The following KRTAP5-1 variants were observed in gnomAD, a reference collection of about 807,000 sequenced individuals.
KRTAP5-1 encodes the protein keratin-associated protein 5-1.
In KRTAP5-1, 1 loss-of-function variant was observed where a neutral mutation model predicts 1.1. That is an observed-to-expected ratio of 0.90 (90% CI 0.32 to 4.26). The LOEUF is 4.26. Ranked by LOEUF, KRTAP5-1 falls within the 30% of genes most tolerant of loss-of-function variation. The pLI is 0.17. For synonymous variants in KRTAP5-1, 105 were observed against 141.6 expected (o/e 0.74, Z 1.84); for missense variants, 302 against 349.7 (o/e 0.86, Z 1.09).
In KRTAP5-1 at chr11:1,584,522, C is replaced by T. The variant is rs1302011012; in HGVS notation, c.728G>A (p.Cys243Tyr). 6.2e-7 allele frequency: 1 copy of T among 1,613,912 alleles called. No homozygotes were observed. The highest frequency in any genetic ancestry group is 1.7e-5 in the Admixed American group (1 of 59,992). Residue 243 changes from cysteine (C) to tyrosine (Y), a missense_variant, in exon 1 of 1, where the codon TGC becomes TAC. By Grantham distance (194) the Cys-to-Tyr change is radical. Coordinates refer to ENST00000382171, the MANE Select transcript of KRTAP5-1 (RefSeq NM_001005922.1). ...TGACCCACAGCCTGAGGAACAGCAG[C>T]AGGGCTTACAGCAACTGCACTGGGA... ...SCSQCSCCKP[C>Y]CCSSGCGSSC...
rs1430901199 is a variant in KRTAP5-1, at chr11:1,584,419, C to A, written c.831G>T (p.Lys277Asn). ...AGTCCTGCAAAGCCAGAAATCAGAT[C>A]TTGCACTGGCAGCACACGGGGACAC... ...SCCVPVCCQC[K>N]I Residue 277 changes from lysine (K) to asparagine (N), a missense_variant, in exon 1 of 1, where the codon AAG becomes AAT. Physicochemically the swap from Lys to Asn is moderately conservative, Grantham distance 94. This residue lies in a region of KRTAP5-1 where 137 missense variants were observed against 113.9 expected (regional missense o/e 1.20). Transcript: ENST00000382171. 6.2e-7 allele frequency: 1 copy of A among 1,613,960 alleles called. No individual in the cohort carries two copies. The highest frequency in any genetic ancestry group is 2.2e-5 in the East Asian group (1 of 44,872).
Position 1,584,456 on chromosome 11 carries a change from T to G in KRTAP5-1, c.794A>C (p.Gln265Pro). Residue 265 changes from glutamine to proline, a missense_variant, in exon 1 of 1, where the codon CAG (glutamine) becomes CCG (proline). Physicochemically the swap from Gln to Pro is moderately conservative, Grantham distance 76. Around this residue, in one of 2 missense-constraint regions of KRTAP5-1, gnomAD observed 137 missense variants for 113.9 expected, o/e 1.20. Coordinates refer to ENST00000382171, the MANE Select transcript of KRTAP5-1 (RefSeq NM_001005922.1). ...GCACACGGGGACACAGCAACTGGAC[T>G]GGGAGCAGCAGGGCTTGCAGCAGCT... ...QSSCCKPCCSQSSCCVPVCCQ... is the reference protein window; with the variant it reads ...QSSCCKPCCSPSSCCVPVCCQ... 6.2e-7 allele frequency: 1 copy of G among 1,613,822 alleles called. No homozygotes were observed. Among genetic ancestry groups the G allele is most frequent in the Non-Finnish European group, 8.5e-7 (1 of 1,179,900 alleles).
Position 1,584,343 on chromosome 11 carries a change from G to T in KRTAP5-1, c.*70C>A. The T allele has an allele frequency of 6.5e-7, 1 of 1,536,244 alleles. No individual in the cohort carries two copies. The highest frequency in any genetic ancestry group is 8.9e-7 in the Non-Finnish European group (1 of 1,117,666). Reference sequence around the variant, plus strand: ...GGGGAAGGAGAGTCTGGCTCACTGGGTGCCAGGAAAAGGAGGTAAAGGCTG... The same window carrying T: ...GGGGAAGGAGAGTCTGGCTCACTGGTTGCCAGGAAAAGGAGGTAAAGGCTG... On this transcript the variant is annotated 3_prime_UTR_variant, in exon 1 of 1. Coordinates refer to ENST00000382171, the MANE Select transcript of KRTAP5-1 (RefSeq NM_001005922.1).
rs749850709 is a variant in KRTAP5-1, at chr11:1,585,259, G to T, written c.-10C>A. The T allele has an allele frequency of 1.2e-6, 2 of 1,612,068 alleles. No individual in the cohort carries two copies. Among genetic ancestry groups the T allele is most frequent in the African/African-American group, 2.7e-5 (2 of 74,706 alleles). On this transcript the variant is annotated 5_prime_UTR_variant, in exon 1 of 1. Coordinates refer to ENST00000382171, the MANE Select transcript of KRTAP5-1 (RefSeq NM_001005922.1). ...AGCCGCAACAGCCCATGGTTCTGGT[G>T]GATTGAGGGTGGAGCAGGTAGAGGA...
Position 1,585,022 on chromosome 11 carries a change from C to G in KRTAP5-1, c.228G>C (p.Lys76Asn), listed in dbSNP as rs531250750. ...AGCCTCCACAGGAGCCACAGCCCCC[C>G]TTGGAGCCCCCAGAAGAGCCACAGC... ...KGGCGSSGGS[K>N]GGCGSCGGCK... The change falls in exon 1 of 1, where the codon AAG (lysine) becomes AAC (asparagine). Residue 76 changes from lysine (K) to asparagine (N), a missense_variant. Lys to Asn is a moderately conservative substitution (Grantham distance 94, BLOSUM62 0). Transcript: ENST00000382171. 2 of 1,588,302 alleles carry G rather than the reference C, an allele frequency of 1.3e-6. No homozygotes were observed.
Position 1,584,367 on chromosome 11 carries a change from TGG to T in KRTAP5-1, c.*44_*45del. On this transcript the variant is annotated 3_prime_UTR_variant, in exon 1 of 1. Coordinates refer to ENST00000382171, the MANE Select transcript of KRTAP5-1 (RefSeq NM_001005922.1). ...GGTGCCAGGAAAAGGAGGTAAAGGC[TGG>T]GCAGGAATGCCTGGCCATGGTAAGA... 6.2e-7 allele frequency: 1 copy of T among 1,602,650 alleles called. No homozygotes were observed. Among genetic ancestry groups the T allele is most frequent in the Non-Finnish European group, 8.5e-7 (1 of 1,171,454 alleles).
At position 1,584,913 on chromosome 11, in the gene KRTAP5-1, C is replaced by A. The variant is rs1346128157; in HGVS notation, c.337G>T (p.Gly113Trp). 2.8e-6 allele frequency: 1 copy of A among 352,780 alleles called. No homozygotes were observed. The highest frequency in any genetic ancestry group is 7.3e-5 in the East Asian group (1 of 13,642). The allele number at this position is 352,780 out of a possible 1,614,324, so 21.9% of individuals were successfully genotyped here. Residue 113 changes from glycine to tryptophan, a missense_variant, in exon 1 of 1, where the codon GGG (glycine) becomes TGG (tryptophan). Around this residue, in one of 2 missense-constraint regions of KRTAP5-1, gnomAD observed 165 missense variants for 235.8 expected, o/e 0.70. Transcript: ENST00000382171. Reference sequence around the variant, plus strand: ...GAACCACAGCCACCCTTGGATCCCCCACAAGAGCCACAGCCCCCCTTGGAG... The same window carrying A: ...GAACCACAGCCACCCTTGGATCCCCAACAAGAGCCACAGCCCCCCTTGGAG... ...GGSKGGCGSC[G>W]GSKGGCGSGC...
At position 1,585,104 on chromosome 11, in the gene KRTAP5-1, C is replaced by A; in HGVS notation, c.146G>T (p.Cys49Phe). ...TGGCACACGGCAGCACACGGGCTTG[C>A]AGCAGCAGACGGGCACACAGCAGCT... ...GSSCCVPVCCCKPVCCRVPTC... is the reference protein window; with the variant it reads ...GSSCCVPVCCFKPVCCRVPTC... The change falls in exon 1 of 1, where the codon TGC (cysteine) becomes TTC (phenylalanine). Residue 49 changes from cysteine (C) to phenylalanine (F), a missense_variant. By Grantham distance (205) the Cys-to-Phe change is radical. Coordinates refer to ENST00000382171, the MANE Select transcript of KRTAP5-1 (RefSeq NM_001005922.1). 6.2e-7 allele frequency: 1 copy of A among 1,610,920 alleles called. No homozygotes were observed. Among genetic ancestry groups the A allele is most frequent in the Middle Eastern group, 1.9e-4 (1 of 5,336 alleles).
chr11:1,584,443 A>G lies in KRTAP5-1; in HGVS notation c.807T>C (p.Cys269=). 1.2e-6 allele frequency: 2 copies of G among 1,613,876 alleles called. No homozygotes were observed. The highest frequency in any genetic ancestry group is 1.7e-6 in the Non-Finnish European group (2 of 1,179,908). Residue 269 remains cysteine (C), a synonymous_variant, in exon 1 of 1, where the codon TGT becomes TGC. Transcript: ENST00000382171. ...CKPCCSQSSC[C]VPVCCQCKI Reference sequence around the variant, plus strand: ...TCTTGCACTGGCAGCACACGGGGACACAGCAACTGGACTGGGAGCAGCAGG... The same window carrying G: ...TCTTGCACTGGCAGCACACGGGGACGCAGCAACTGGACTGGGAGCAGCAGG...
rs766692685 is a variant in KRTAP5-1, at chr11:1,584,527, C to T, written c.723G>A (p.Lys241=). 5.0e-6 allele frequency: 8 copies of T among 1,613,904 alleles called. No homozygotes were observed. Among genetic ancestry groups the T allele is most frequent in the South Asian group, 1.1e-5 (1 of 91,080 alleles). ...CACAGCCTGAGGAACAGCAGCAGGG[C>T]TTACAGCAACTGCACTGGGAGCAGG... ...GSSCSQCSCC[K]PCCCSSGCGS... is the part of the protein sequence containing the mutation. Residue 241 remains lysine (K), a synonymous_variant, in exon 1 of 1, where the codon AAG becomes AAA. Coordinates refer to ENST00000382171, the MANE Select transcript of KRTAP5-1 (RefSeq NM_001005922.1).
Position 1,584,538 on chromosome 11 carries a change from T to C in KRTAP5-1, c.712A>G (p.Ser238Gly), listed in dbSNP as rs764880004. The C allele has an allele frequency of 5.6e-6, 9 of 1,613,792 alleles. 1 individual carries two copies. The highest frequency in any genetic ancestry group is 3.3e-4 in the Middle Eastern group (2 of 6,060). The change falls in exon 1 of 1, where the codon AGT becomes GGT. Residue 238 changes from serine (S) to glycine (G), a missense_variant. By Grantham distance (56) the Ser-to-Gly change is moderately conservative. Coordinates refer to ENST00000382171, the MANE Select transcript of KRTAP5-1 (RefSeq NM_001005922.1). ...GGCGSSCSQCSCCKPCCCSSG... is the reference protein window; with the variant it reads ...GGCGSSCSQCGCCKPCCCSSG... ...GAACAGCAGCAGGGCTTACAGCAAC[T>C]GCACTGGGAGCAGGATGACCCGCAG...
Position 1,584,694 on chromosome 11 carries a change from C to G in KRTAP5-1, c.556G>C (p.Gly186Arg), listed in dbSNP as rs745921225. 7.4e-7 allele frequency: 1 copy of G among 1,347,728 alleles called. No individual in the cohort carries two copies. The highest frequency in any genetic ancestry group is 1.0e-6 in the Non-Finnish European group (1 of 998,860). 83.5% of individuals were successfully genotyped at this position (1,347,728 alleles called of 1,614,324 possible). ...TTGGATCCCCCACAAGAACCGCAGC[C>G]CCCCTTGCAGCCTCCACAGGAGCCA... ...GCGSCGGCKG[G>R]CGSCGGSKGG... The change falls in exon 1 of 1, where the codon GGC (glycine) becomes CGC (arginine). Residue 186 changes from glycine to arginine, a missense_variant. Coordinates refer to ENST00000382171, the MANE Select transcript of KRTAP5-1 (RefSeq NM_001005922.1).
In KRTAP5-1 at chr11:1,584,624, C is replaced by T. The variant is rs1404765544; in HGVS notation, c.626G>A (p.Gly209Asp). ...SGCGGCGSGCGVPVCCCSCSS... is the reference protein window; with the variant it reads ...SGCGGCGSGCDVPVCCCSCSS... ...ACAGGAACAGCAACACACGGGCACA[C>T]CGCAGCCGGAGCCACAGCCCCCACA... The change falls in exon 1 of 1, where the codon GGT (glycine) becomes GAT (aspartate). Residue 209 changes from glycine to aspartate, a missense_variant. Transcript: ENST00000382171. 13 of 1,611,850 alleles carry T rather than the reference C, an allele frequency of 8.1e-6. No individual in the cohort carries two copies. The highest frequency in any genetic ancestry group is 3.3e-5 in the Admixed American group (2 of 59,718).
chr11:1,584,643 C>T lies in KRTAP5-1; in HGVS notation c.607G>A (p.Gly203Ser). The change falls in exon 1 of 1, where the codon GGC becomes AGC. Residue 203 changes from glycine to serine, a missense_variant. By Grantham distance (56) the Gly-to-Ser change is moderately conservative (BLOSUM62 0). This residue lies in a region of KRTAP5-1 where 137 missense variants were observed against 113.9 expected (regional missense o/e 1.20). Transcript: ENST00000382171. The stretch of plus-strand genomic sequence containing the variant: ...GGCACACCGCAGCCGGAGCCACAGC[C>T]CCCACAGCCGGAGCCACAACCCCCC... Reference protein sequence around the residue: ...SKGGCGSGCGGCGSGCGVPVC... With the variant: ...SKGGCGSGCGSCGSGCGVPVC... The T allele has an allele frequency of 3.2e-6, 5 of 1,579,502 alleles. No homozygotes were observed. Among genetic ancestry groups the T allele is most frequent in the Non-Finnish European group, 4.3e-6 (5 of 1,164,790 alleles).
rs200748019 is a variant in KRTAP5-1 at position 1,584,508 on chromosome 11, C to A, written c.742G>T (p.Gly248Cys). ...GATTGGCAACAGGATGACCCACAGC[C>A]TGAGGAACAGCAGCAGGGCTTACAG... ...SCCKPCCCSS[G>C]CGSSCCQSSC... is the part of the protein sequence containing the mutation. Residue 248 changes from glycine (G) to cysteine (C), a missense_variant, in exon 1 of 1, where the codon GGC (glycine) becomes TGC (cysteine). Physicochemically the swap from Gly to Cys is radical, Grantham distance 159. This residue lies in a region of KRTAP5-1 where 137 missense variants were observed against 113.9 expected (regional missense o/e 1.20). Transcript: ENST00000382171. The A allele has an allele frequency of 4.3e-6, 7 of 1,613,780 alleles. No homozygotes were observed. In the Admixed American group the frequency reaches 1.0e-4, roughly 23 times the overall value.
In KRTAP5-1 at chr11:1,585,146, C is replaced by T. The variant is rs777035415; in HGVS notation, c.104G>A (p.Cys35Tyr). 3 of 1,611,904 alleles carry T rather than the reference C, an allele frequency of 1.9e-6. No homozygotes were observed. The highest frequency in any genetic ancestry group is 2.2e-5 in the East Asian group (1 of 44,808). ...GSGCGGCGSG[C>Y]GGSGSSCCVP... ...ACAGCAGCTGGAGCCAGAACCTCCA[C>T]AGCCAGAGCCACAGCCCCCACAGCC... is the stretch of plus-strand genomic sequence containing the variant. Residue 35 changes from cysteine (C) to tyrosine (Y), a missense_variant, in exon 1 of 1, where the codon TGT becomes TAT. Transcript: ENST00000382171.
chr11:1,585,214 G>A lies in KRTAP5-1; in HGVS notation c.36C>T (p.Ser12=), dbSNP rs1444840065. The stretch of plus-strand genomic sequence containing the variant: ...AGCCGGAGCCACAGCCCCCACAGCT[G>A]GAGCCACAGCCTCCGGAGCAGCCGC... ...GCCGCSGGCG[S]SCGGCGSGCG... is the part of the protein sequence containing the mutation. The change falls in exon 1 of 1, where the codon TCC becomes TCT. Residue 12 remains serine, a synonymous_variant. Coordinates refer to ENST00000382171, the MANE Select transcript of KRTAP5-1 (RefSeq NM_001005922.1). The A allele has an allele frequency of 1.2e-6, 2 of 1,612,626 alleles. No individual in the cohort carries two copies. The highest frequency in any genetic ancestry group is 1.7e-5 in the Admixed American group (1 of 59,992).
In KRTAP5-1 at chr11:1,584,783, C is replaced by T. The variant is rs765834783; in HGVS notation, c.467G>A (p.Gly156Asp). ...CTTGGAGCACCCACAGGAGCCACAGCCCCCTTTGCCACAGCTGGAGCAGGA... is the reference window on the plus strand; with the variant it reads ...CTTGGAGCACCCACAGGAGCCACAGTCCCCTTTGCCACAGCTGGAGCAGGA... Reference protein sequence around the residue: ...ACSCSSCGKGGCGSCGCSKGA... With the variant: ...ACSCSSCGKGDCGSCGCSKGA... The change falls in exon 1 of 1, where the codon GGC becomes GAC. Residue 156 changes from glycine to aspartate, a missense_variant. Coordinates refer to ENST00000382171, the MANE Select transcript of KRTAP5-1 (RefSeq NM_001005922.1). 4 of 1,595,874 alleles carry T rather than the reference C, an allele frequency of 2.5e-6. No homozygotes were observed. Among genetic ancestry groups the T allele is most frequent in the Middle Eastern group, 2.1e-4 (1 of 4,858 alleles).
chr11:1,584,468 G>A lies in KRTAP5-1; in HGVS notation c.782C>T (p.Pro261Leu), dbSNP rs1025633119. Residue 261 changes from proline to leucine, a missense_variant, in exon 1 of 1, where the codon CCC becomes CTC. Physicochemically the swap from Pro to Leu is moderately conservative, Grantham distance 98 (BLOSUM62 -3). Around this residue, in one of 2 missense-constraint regions of KRTAP5-1, gnomAD observed 137 missense variants for 113.9 expected, o/e 1.20. Coordinates refer to ENST00000382171, the MANE Select transcript of KRTAP5-1 (RefSeq NM_001005922.1). ...SSCCQSSCCK[P>L]CCSQSSCCVP... ...ACAGCAACTGGACTGGGAGCAGCAG[G>A]GCTTGCAGCAGCTGGATTGGCAACA... 5 of 1,613,970 alleles carry A rather than the reference G, an allele frequency of 3.1e-6. No homozygotes were observed. Among genetic ancestry groups the A allele is most frequent in the African/African-American group, 2.7e-5 (2 of 74,974 alleles).
Sources: gnomAD v4.1 joint callset for allele counts on GRCh38, gnomAD v4.1.1 for gene constraint, gnomAD v4.1.1 regional missense constraint, MANE v1.5 for transcripts, NCBI Gene and HGNC (gene_info 2026-07-23, HGNC 2026-07-21) for gene names.